The following MFSD11 variants were observed in gnomAD, a reference collection of about 807,000 sequenced individuals.
MFSD11 encodes UNC93-like protein MFSD11.
In MFSD11, 36 loss-of-function variants were observed where a neutral mutation model predicts 53.5. The observed-to-expected ratio is 0.67, with a 90% CI of 0.52 to 0.89. The LOEUF (loss-of-function observed/expected upper bound fraction) is 0.89. Among genes scored for constraint, MFSD11 ranks in the 40% least tolerant of loss-of-function variants. The pLI is 0.00. For missense variants in MFSD11, 530 were observed against 543.9 expected (o/e 0.97, Z 0.25); for synonymous variants, 186 against 184.9 (o/e 1.01, Z -0.05).
Position 76,779,285 on chromosome 17 carries a change from T to G in MFSD11, c.*933T>G, listed in dbSNP as rs960076722. On this transcript the variant is annotated 3_prime_UTR_variant, in exon 13 of 13. Coordinates refer to ENST00000685175, the MANE Select transcript of MFSD11 (RefSeq NM_001242532.5). The stretch of plus-strand genomic sequence containing the variant: ...AAAAAAAAAAAAAAAGAAAAGAAAA[T>G]AATAATGATAATTTTTTAAAATAAT... The G allele has an allele frequency of 4.3e-5, 5 of 117,150 alleles. No individual in the cohort carries two copies. Among genetic ancestry groups the G allele is most frequent in the African/African-American group, 1.6e-4 (5 of 30,334 alleles). The allele number at this position is 117,150 out of a possible 1,614,324, so 7.3% of individuals were successfully genotyped here.
intron 10 of MFSD11, among the ~76,000 whole-genome samples, chr17:76,773,655 C>T (rs530681637): frequency 2.6e-5 from 4 of 152,008 alleles, no homozygotes; most frequent in Admixed American, 6.6e-5. Flanking sequence ...AGTTGCCAGG[C>T]GGAGTGCAGT....
the MFSD11 span, among the ~76,000 whole-genome samples, chr17:76,789,925 A>G: frequency 1.9e-4 from 29 of 150,312 alleles, 3 homozygotes; most frequent in Admixed American, 1.4e-3. Flanking sequence ...GATTGTGTTT[A>G]TTGGTTAAGA....
At chr17:76,799,296 G>A in the MFSD11 span, 2 of 152,064 alleles carry the variant, frequency 1.3e-5, no homozygotes, top group Non-Finnish European at 2.9e-5. Context: ...TGTAGTTTTA[G>A]TAGAGATGGG....
In MFSD11 at chr17:76,769,371, C is replaced by T. The variant is rs550248843; in HGVS notation, c.749-375C>T. 26 of 165,734 alleles carry T rather than the reference C, an allele frequency of 1.6e-4. No homozygotes were observed. In the South Asian group the frequency reaches 4.3e-3, roughly 28 times the overall value. The allele number at this position is 165,734 out of a possible 1,614,324, so 10.3% of individuals were successfully genotyped here. ...ACAGCTGCCTTCTTGCTGTGTCCTCCCATGGCAGAGAGCAGACAGGAAGCA... is the reference window on the plus strand; with the variant it reads ...ACAGCTGCCTTCTTGCTGTGTCCTCTCATGGCAGAGAGCAGACAGGAAGCA... On this transcript the variant is annotated intron_variant, in intron 9 of 12. Coordinates refer to ENST00000685175, the MANE Select transcript of MFSD11 (RefSeq NM_001242532.5).
At chr17:76,737,339 C>T (rs1180879584), upstream of MFSD11, 5 of 788,768 alleles carry the variant, frequency 6.3e-6, no homozygotes, top group East Asian at 2.8e-5. Context: ...ACTGGGCGGG[C>T]AGCCGGCCTC....
chr17:76,760,341 T>A (rs938303539), intron 8 of MFSD11, among the ~76,000 whole-genome samples: 1 of 151,300 alleles, frequency 6.6e-6, no homozygotes, highest in Non-Finnish European at 1.5e-5. Flanking sequence ...TGAGTGGAAG[T>A]GGATCATCTG....
At chr17:76,762,980 C>T (rs748360682) in intron 8 of MFSD11, among the ~76,000 whole-genome samples, 10 of 151,922 alleles carry the variant, frequency 6.6e-5, no homozygotes, top group East Asian at 1.9e-4. Context: ...CTTATGCAAA[C>T]GCCCCAGGCC....
intron 3 of MFSD11, 41 bp downstream of exon 3, chr17:76,741,105 G>GAAAGATCCTGACAAGTGT: frequency 2.6e-6 from 3 of 1,162,584 alleles, no homozygotes; most frequent in Non-Finnish European, 3.9e-6. Flanking sequence ...CAGAACACTT[G>GAAAGATCCTGACAAGTGT]TCAGGATCTT....
chr17:76,767,360 G>T (rs2080942840), intron 8 of MFSD11, 26 bp from the exon 9 acceptor site: 1 of 1,407,996 alleles, frequency 7.1e-7, no homozygotes, highest in Non-Finnish European at 1.0e-6. Context: ...ATCTAATTAA[G>T]TACTCTTAAA....
intron 8 of MFSD11, among the ~76,000 whole-genome samples, chr17:76,755,797 TATA>T: frequency 4.2e-5 from 1 of 23,662 alleles, no homozygotes; most frequent in Non-Finnish European, 1.0e-4. Context: ...TATACATATA[TATA>T]TATATATATA....
chr17:76,802,297 C>G, the MFSD11 span, among the ~76,000 whole-genome samples: 16 of 152,110 alleles, frequency 1.1e-4, no homozygotes, highest in Admixed American at 3.3e-4. Flanking sequence ...AAAACAATTA[C>G]TGTCATAAAA....
chr17:76,744,584 G>A, intron 7 of MFSD11, 118 bp downstream of exon 7: 1 of 844,038 alleles, frequency 1.2e-6, no homozygotes, highest in South Asian at 2.2e-5. Flanking sequence ...GGTTACCACA[G>A]GCAAGAAAAG....
At chr17:76,788,939 C>G in the MFSD11 span, among the ~76,000 whole-genome samples, 3 of 149,144 alleles carry the variant, frequency 2.0e-5, no homozygotes, top group African/African-American at 7.4e-5. Flanking sequence ...GTCAGAAGTT[C>G]GAGACCAGCC....
At chr17:76,779,385 G>A (rs1260057749), downstream of MFSD11, 2 of 151,630 alleles carry the variant, frequency 1.3e-5, no homozygotes. Context: ...TGTTTCATTT[G>A]ATAAGTTTTC....
At chr17:76,774,489 C>T (rs932084300) in intron 10 of MFSD11, among the ~76,000 whole-genome samples, 1 of 152,158 alleles carries the variant, frequency 6.6e-6, no homozygotes, top group Non-Finnish European at 1.5e-5. Context: ...CAGAGTTCTC[C>T]TCTTCTCACT....
At chr17:76,740,567 T>C (rs2077976349) in intron 2 of MFSD11, among the ~76,000 whole-genome samples, 1 of 152,202 alleles carries the variant, frequency 6.6e-6, no homozygotes, top group South Asian at 2.1e-4. Context: ...AGCTGGACTT[T>C]TGGCAAATTA....
chr17:76,797,227 C>T, the MFSD11 span, among the ~76,000 whole-genome samples: 15 of 152,056 alleles, frequency 9.9e-5, no homozygotes, highest in Non-Finnish European at 1.6e-4. Flanking sequence ...AATGGCTACT[C>T]CATAGACAGA....
chr17:76,739,659 T>C (rs556831928), intron 2 of MFSD11, among the ~76,000 whole-genome samples: 10 of 152,352 alleles, frequency 6.6e-5, no homozygotes, highest in African/African-American at 2.4e-4. Context: ...AATGGCTACA[T>C]TGAGCTGTAG....
At chr17:76,749,800 G>A (rs1339818550) in intron 7 of MFSD11, among the ~76,000 whole-genome samples, 2 of 150,572 alleles carry the variant, frequency 1.3e-5, no homozygotes, top group Non-Finnish European at 2.9e-5. Flanking sequence ...TGAGGTAGGA[G>A]AATCGCTTGA....
Sources: gnomAD v4.1 joint callset for allele counts (sites outside exome capture counted in the v4.1 genomes callset) on GRCh38, gnomAD v4.1.1 for gene constraint, MANE v1.5 for transcripts, NCBI Gene and HGNC (gene_info 2026-07-23, HGNC 2026-07-21) for gene names.